Variants in BNC2 observed in about 807,000 individuals in gnomAD.
BNC2 encodes the protein zinc finger protein basonuclin-2.
A neutral mutation model predicts 76.3 loss-of-function variants in BNC2; 20 were observed. That is an observed-to-expected ratio of 0.26 (90% CI 0.18 to 0.38). BNC2 has a LOEUF of 0.38. Among genes scored for constraint, BNC2 ranks in the 10% least tolerant of loss-of-function variants. BNC2 has a pLI of 1.00. For missense variants in BNC2, 1,382 were observed against 1,399.8 expected, an observed-to-expected ratio of 0.99 and a Z score of 0.20; for synonymous variants, 582 against 514.8, an observed-to-expected ratio of 1.13 and a Z score of -1.77.
rs1010784352 is a variant in BNC2 at position 16,628,559 on chromosome 9, G to T, written c.331-45474C>A. Among the ~76,000 whole-genome samples the T allele has an allele frequency of 2.6e-5, 4 of 152,162 alleles. No individual in the cohort carries two copies. The East Asian group carries it at 7.7e-4, about 29-fold the overall frequency. Reference sequence around the variant, plus strand: ...TAAATAAGTGAGGTGGGAAACAGGGGGAGGAACGGCACAGGATCCAGCTAC... The same window carrying T: ...TAAATAAGTGAGGTGGGAAACAGGGTGAGGAACGGCACAGGATCCAGCTAC... On this transcript the variant is annotated intron_variant, in intron 3 of 6. Transcript: ENST00000380672.
intron 4 of BNC2, 121 bp from the exon 5 acceptor site, chr9:16,552,886 G>A (rs192525969): frequency 1.4e-5 from 11 of 767,340 alleles, no homozygotes; most frequent in Middle Eastern, 2.5e-4. Context: ...ATGAATGTTC[G>A]CCATAGGTGT....
chr9:16,833,653 A>T (rs73649044), intron 1 of BNC2, among the ~76,000 whole-genome samples: 4,597 of 152,224 alleles, frequency 0.03, 222 homozygotes, highest in African/African-American at 0.11. Flanking sequence ...GCCACTTGCC[A>T]TAAGGAATTA....
intron 1 of BNC2, among the ~76,000 whole-genome samples, chr9:16,835,563 T>C (rs1004062978): frequency 2.0e-5 from 3 of 152,110 alleles, no homozygotes; most frequent in African/African-American, 7.2e-5. Context: ...TAGCCAGGCA[T>C]GGTGGCACAT....
At chr9:16,609,810 G>C (rs1375856721) in intron 3 of BNC2, among the ~76,000 whole-genome samples, 1 of 152,064 alleles carries the variant, frequency 6.6e-6, no homozygotes, top group African/African-American at 2.4e-5. Context: ...GTCTCCAGTA[G>C]GTCTTGAATC....
chr9:16,793,539 G>A (rs188586819), intron 1 of BNC2, among the ~76,000 whole-genome samples: 1 of 151,906 alleles, frequency 6.6e-6, no homozygotes, highest in East Asian at 1.9e-4. Context: ...TGGCCTCAAG[G>A]GATTCTCCTG....
At chr9:16,829,451 G>C (rs539018998) in intron 1 of BNC2, among the ~76,000 whole-genome samples, 6 of 152,236 alleles carry the variant, frequency 3.9e-5, no homozygotes, top group African/African-American at 1.4e-4. Context: ...TGGTGGTGGT[G>C]TTCCGCAGAC....
chr9:16,830,687 T>C (rs1818560017), intron 1 of BNC2, among the ~76,000 whole-genome samples: 2 of 152,222 alleles, frequency 1.3e-5, no homozygotes, highest in Non-Finnish European at 2.9e-5. Flanking sequence ...AAGTACATTT[T>C]TCTCCTTTGA....
At chr9:16,679,122 T>C (rs531084098) in intron 3 of BNC2, among the ~76,000 whole-genome samples, 21 of 152,154 alleles carry the variant, frequency 1.4e-4, no homozygotes, top group African/African-American at 4.6e-4. Flanking sequence ...CCAGACTCTA[T>C]AGAAAGCTAC....
intron 3 of BNC2, among the ~76,000 whole-genome samples, chr9:16,669,083 A>G (rs543743805): frequency 1.3e-5 from 2 of 152,294 alleles, no homozygotes; most frequent in East Asian, 3.9e-4. Flanking sequence ...CACTTTGGGG[A>G]CTGAGGAAGA....
chr9:16,788,326 G>A (rs1352419151), intron 1 of BNC2, among the ~76,000 whole-genome samples: 1 of 151,538 alleles, frequency 6.6e-6, no homozygotes, highest in Non-Finnish European at 1.5e-5. Context: ...GGCCAAGGTG[G>A]GCAGATCATG....
chr9:16,678,267 C>CTTTTTTTTTTTTTTTTTT lies in BNC2; in HGVS notation c.330+49512_330+49529dup, dbSNP rs140809930. Among the ~76,000 whole-genome samples, 34 of 80,734 alleles carry CTTTTTTTTTTTTTTTTTT rather than the reference C, an allele frequency of 4.2e-4. 1 individual carries two copies. Among genetic ancestry groups the CTTTTTTTTTTTTTTTTTT allele is most frequent in the Non-Finnish European group, 5.8e-4 (26 of 45,180 alleles). 53.0% of individuals were successfully genotyped at this position (80,734 alleles called of 152,430 possible). On this transcript the variant is annotated intron_variant, in intron 3 of 6. Transcript: ENST00000380672. ...ACTTGTAACTGTTTTCTTTCTTTTT[C>CTTTTTTTTTTTTTTTTTT]TTTTTTTTTTTTTTTTTTTTTTTTT...
chr9:16,520,148 G>A (rs962628497), intron 5 of BNC2, among the ~76,000 whole-genome samples: 8 of 152,174 alleles, frequency 5.3e-5, no homozygotes, highest in East Asian at 3.9e-4. Flanking sequence ...GGAGGCCTAC[G>A]AGGAAACCTT....
intron 2 of BNC2, among the ~76,000 whole-genome samples, chr9:16,737,639 G>A (rs1824715894): frequency 6.6e-6 from 1 of 151,794 alleles, no homozygotes; most frequent in Non-Finnish European, 1.5e-5. Flanking sequence ...CCTTGATAGA[G>A]ACTATTTATA....
intron 6 of BNC2, among the ~76,000 whole-genome samples, chr9:16,428,752 A>T (rs1167299309): frequency 6.6e-6 from 1 of 152,190 alleles, no homozygotes; most frequent in Non-Finnish European, 1.5e-5. Flanking sequence ...TTTTCCCCCT[A>T]GTTAATAAAA....
At chr9:16,672,040 C>A (rs1822492485) in intron 3 of BNC2, among the ~76,000 whole-genome samples, 1 of 152,144 alleles carries the variant, frequency 6.6e-6, no homozygotes, top group Non-Finnish European at 1.5e-5. Context: ...GTTACTGATT[C>A]ACAAAACCAC....
chr9:16,564,962 T>C (rs1338371190), intron 4 of BNC2, among the ~76,000 whole-genome samples: 1 of 152,170 alleles, frequency 6.6e-6, no homozygotes, highest in Non-Finnish European at 1.5e-5. Context: ...CTTGCTTCCG[T>C]AGGTCATCGT....
chr9:16,800,173 C>T (rs929283254), intron 1 of BNC2, among the ~76,000 whole-genome samples: 2 of 150,470 alleles, frequency 1.3e-5, no homozygotes, highest in Non-Finnish European at 3.0e-5. Context: ...TGCAGTGAGC[C>T]GAGATTGCAC....
At chr9:16,457,454 G>A (rs1166135271) in intron 5 of BNC2, among the ~76,000 whole-genome samples, 1 of 152,140 alleles carries the variant, frequency 6.6e-6, no homozygotes, top group Admixed American at 6.5e-5. Flanking sequence ...TCAGCACAGG[G>A]CAACATGCAT....
intron 5 of BNC2, among the ~76,000 whole-genome samples, chr9:16,518,787 G>C (rs1587125353): frequency 6.6e-6 from 1 of 152,050 alleles, no homozygotes; most frequent in Non-Finnish European, 1.5e-5. Context: ...TTTTGGTAGG[G>C]ACAGGGTTTC....
Sources: allele counts gnomAD v4.1 joint callset (sites outside exome capture counted in the v4.1 genomes callset), GRCh38; gene constraint gnomAD v4.1.1; transcripts MANE v1.5; gene names NCBI Gene and HGNC (gene_info 2026-07-23, HGNC 2026-07-21).